The following UNC79 variants were observed in gnomAD, a reference collection of about 807,000 sequenced individuals.
The protein encoded by UNC79 is protein unc-79 homolog.
Under a neutral mutation model 283.1 loss-of-function variants are expected in UNC79, and 37 were observed. The ratio of observed to expected loss-of-function variants is 0.13; its 90% CI spans 0.10 to 0.17. UNC79 has a LOEUF of 0.17. UNC79 is among the 10% of genes least tolerant of loss of function. UNC79 has a pLI of 1.00. For synonymous variants in UNC79, 1,107 were observed against 1,200.2 expected, an observed-to-expected ratio of 0.92 and a Z score of 1.61; for missense variants, 2,272 against 3,211.1, an observed-to-expected ratio of 0.71 and a Z score of 7.07.
chr14:93,474,007 T>C lies in UNC79; in HGVS notation c.144-82T>C. On this transcript the variant is annotated intron_variant, in intron 2 of 48. Transcript: ENST00000555664. This position sits in a 1 kb window ranked among gnomAD's most constrained non-coding sequence, Gnocchi z 4.1. ...GTGGAATGTATCTGGTGTTTTATTA[T>C]TTGTTTTAGAGTGTCATTTCAATGT... 7.0e-7 allele frequency: 1 copy of C among 1,421,804 alleles called. No homozygotes were observed. Among genetic ancestry groups the C allele is most frequent in the South Asian group, 1.5e-5 (1 of 68,156 alleles). 88.1% of individuals were successfully genotyped at this position (1,421,804 alleles called of 1,614,324 possible).
At chr14:93,669,726 G>A (rs1235782869) in intron 40 of UNC79, among the ~76,000 whole-genome samples, 1 of 152,114 alleles carries the variant, frequency 6.6e-6, no homozygotes, top group South Asian at 2.1e-4. Context: ...GCGCATGCCT[G>A]TAGTTCCAGC....
rs148679976 is a variant in UNC79 at position 93,498,209 on chromosome 14, A to G, written c.898+923A>G. Among the ~76,000 whole-genome samples, 564 of 151,778 alleles carry G rather than the reference A, an allele frequency of 3.7e-3. 6 individuals carry two copies. Among genetic ancestry groups the G allele is most frequent in the African/African-American group, 0.013 (546 of 41,370 alleles). ...TTGAACCCAGGAGGAGGAGGTTGCA[A>G]TGAGCCAAGATTGTGCCACTGCACT... On this transcript the variant is annotated intron_variant, in intron 7 of 48. Coordinates refer to ENST00000555664, the Ensembl canonical transcript of UNC79.
intron 35 of UNC79, among the ~76,000 whole-genome samples, chr14:93,650,007 T>G (rs1054650988): frequency 6.6e-6 from 1 of 152,192 alleles, no homozygotes; most frequent in African/African-American, 2.4e-5. Context: ...CAAACACTGT[T>G]GTGATATTTT....
At chr14:93,411,088 G>T (rs1249680006) in intron 1 of UNC79, among the ~76,000 whole-genome samples, 1 of 152,092 alleles carries the variant, frequency 6.6e-6, no homozygotes, top group East Asian at 1.9e-4. Flanking sequence ...TTGCCCCGAA[G>T]GGTGAGTCCC....
chr14:93,373,563 A>G (rs2054497883), intron 1 of UNC79, among the ~76,000 whole-genome samples: 2 of 152,238 alleles, frequency 1.3e-5, no homozygotes, highest in African/African-American at 4.8e-5. Flanking sequence ...AAAAAGAACT[A>G]GATAATCTGA....
At chr14:93,371,446 A>G (rs115490759) in intron 1 of UNC79, among the ~76,000 whole-genome samples, 1,706 of 152,268 alleles carry the variant, frequency 0.011, 33 homozygotes, top group African/African-American at 0.039. Flanking sequence ...AAAAAAACGC[A>G]GAACACAACA....
chr14:93,623,692 A>G (rs940681824), intron 30 of UNC79, among the ~76,000 whole-genome samples: 4 of 152,208 alleles, frequency 2.6e-5, no homozygotes, highest in South Asian at 2.1e-4. Flanking sequence ...CAAGAGATCA[A>G]GACCATCCTG....
chr14:93,686,230 T>C (rs1195926385), intron 42 of UNC79, among the ~76,000 whole-genome samples: 1 of 152,344 alleles, frequency 6.6e-6, no homozygotes, highest in Admixed American at 6.5e-5. Context: ...TCCTAAAGAC[T>C]CTGATGCTAA....
chr14:93,594,246 TG>T (rs1267117690), intron 23 of UNC79, among the ~76,000 whole-genome samples: 3 of 151,826 alleles, frequency 2.0e-5, no homozygotes, highest in African/African-American at 4.8e-5. Context: ...CAGTGGGAGG[TG>T]GGGGTGATGC....
chr14:93,391,532 C>G (rs1422009366), intron 1 of UNC79, among the ~76,000 whole-genome samples: 1 of 152,130 alleles, frequency 6.6e-6, no homozygotes, highest in Non-Finnish European at 1.5e-5. Context: ...GAAGGGCGTA[C>G]AAAGGTAGGC....
chr14:93,408,252 G>T (rs1353814162), intron 1 of UNC79, among the ~76,000 whole-genome samples: 1 of 152,210 alleles, frequency 6.6e-6, no homozygotes, highest in Non-Finnish European at 1.5e-5. Flanking sequence ...AATATAAGTA[G>T]AGAGATGGAA....
chr14:93,541,013 C>CT (rs1448487626), intron 13 of UNC79, among the ~76,000 whole-genome samples, 182 bp downstream of exon 13: 4 of 152,170 alleles, frequency 2.6e-5, no homozygotes, highest in Non-Finnish European at 5.9e-5. Context: ...GCTAGGAAAG[C>CT]TTTTAAAAAC....
intron 1 of UNC79, among the ~76,000 whole-genome samples, chr14:93,379,868 AT>A (rs200016270): frequency 0.014 from 2,122 of 152,228 alleles, 62 homozygotes; most frequent in African/African-American, 0.049. Flanking sequence ...TAAAATAAAA[AT>A]AATAAAAAAA....
intron 1 of UNC79, among the ~76,000 whole-genome samples, chr14:93,424,033 C>A (rs2140076201): frequency 6.6e-6 from 1 of 151,300 alleles, no homozygotes. Flanking sequence ...ATCTAATAAT[C>A]CAATTCAAAA....
At chr14:93,336,180 C>A (rs2053574610) in intron 1 of UNC79, among the ~76,000 whole-genome samples, 1 of 152,076 alleles carries the variant, frequency 6.6e-6, no homozygotes, top group African/African-American at 2.4e-5. Flanking sequence ...GGAGAAAAGA[C>A]AAATTTTATC....
Position 93,689,069 on chromosome 14 carries a change from T to C in UNC79, c.7085+229T>C, listed in dbSNP as rs146811279. ...TGTCCTCCCACAAAAACCTCAATTG[T>C]CCTTTCATGAAGAATGAAAATTTTG... On this transcript the variant is annotated intron_variant, in intron 44 of 48. Coordinates refer to ENST00000555664, the Ensembl canonical transcript of UNC79. The C allele has an allele frequency of 6.0e-3, 2,793 of 468,522 alleles. 19 individuals carry two copies. The highest frequency in any genetic ancestry group is 8.5e-3 in the Non-Finnish European group (2,311 of 272,858). 29.0% of individuals were successfully genotyped at this position (468,522 alleles called of 1,614,324 possible).
chr14:93,537,360 G>A (rs770842855), intron 11 of UNC79, among the ~76,000 whole-genome samples: 8 of 152,218 alleles, frequency 5.3e-5, no homozygotes, highest in Non-Finnish European at 1.2e-4. Flanking sequence ...TCTACGAAGG[G>A]TTCTGGCTGT....
chr14:93,466,816 A>G, intron 1 of UNC79: 1 of 983,980 alleles, frequency 1.0e-6, no homozygotes, highest in Non-Finnish European at 1.2e-6. Context: ...TGGGATTTGC[A>G]AAGAGGAATG....
At chr14:93,489,319 C>T (rs1193713672) in intron 5 of UNC79, among the ~76,000 whole-genome samples, 2 of 152,150 alleles carry the variant, frequency 1.3e-5, no homozygotes, top group Non-Finnish European at 2.9e-5. Context: ...TTCTCATATG[C>T]AAAACATTCA....
Sources: gnomAD v4.1 joint callset for allele counts (sites outside exome capture counted in the v4.1 genomes callset) on GRCh38, gnomAD v4.1.1 for gene constraint, Gnocchi (gnomAD v3.1) non-coding constraint, MANE v1.5 for transcripts, NCBI Gene and HGNC (gene_info 2026-07-23, HGNC 2026-07-21) for gene names.